CRELD2: variants seen among roughly 807,000 people sequenced by gnomAD.
CRELD2 encodes CRELD disulfide isomerase 2, also known as protein disulfide isomerase CRELD2.
CRELD2 carries 33 observed loss-of-function variants against 48.1 expected under a neutral mutation model. The observed-to-expected ratio is 0.69, with a 90% confidence interval of 0.52 to 0.92. The LOEUF is 0.92. Among genes scored for constraint, CRELD2 ranks in the 40% least tolerant of loss-of-function variants. The pLI is 0.00. For missense variants in CRELD2, 477 were observed against 482.4 expected, an observed-to-expected ratio of 0.99 and a Z score of 0.10; for synonymous variants, 220 against 203.9, an observed-to-expected ratio of 1.08 and a Z score of -0.67.
intron 4 of CRELD2, chr22:49,921,278 C>T (rs2060683699): frequency 5.4e-6 from 2 of 368,068 alleles, no homozygotes; most frequent in South Asian, 1.1e-4. Flanking sequence ...CAATAAGAGC[C>T]GCTCAGCTTT....
rs73181164 is a variant in CRELD2, at chr22:49,923,497, A to G, written c.772+180A>G. 67,882 of 704,716 alleles carry G rather than the reference A, an allele frequency of 0.096. 3,693 individuals are homozygous for G. The highest frequency in any genetic ancestry group is 0.13 in the South Asian group (8,475 of 66,624). 43.7% of individuals were successfully genotyped at this position (704,716 alleles called of 1,614,324 possible). On this transcript the variant is annotated intron_variant, in intron 7 of 9. Coordinates refer to ENST00000328268, the MANE Select transcript of CRELD2 (RefSeq NM_024324.5). ...AGGAAAATCAGAAAATTCAAGTCAG[A>G]TGAAAAGAAAACAGTTAAAAACCCA...
At chr22:49,920,332 G>A in intron 4 of CRELD2, 85 bp downstream of exon 4, 1 of 968,200 alleles carries the variant, frequency 1.0e-6, no homozygotes, top group Non-Finnish European at 1.6e-6. Context: ...AGCACAGAGG[G>A]GACCTGGGGT....
At chr22:49,919,949 T>G in intron 3 of CRELD2, 109 bp downstream of exon 3, 1 of 897,634 alleles carries the variant, frequency 1.1e-6, no homozygotes, top group Non-Finnish European at 1.8e-6. Context: ...CCCACCTGCC[T>G]CGCACCCACC....
chr22:49,927,476 G>A lies in CRELD2; in HGVS notation c.*169G>A. 1 of 629,636 alleles carries A rather than the reference G, an allele frequency of 1.6e-6. No homozygotes were observed. The highest frequency in any genetic ancestry group is 1.9e-5 in the South Asian group (1 of 53,402). The allele number at this position is 629,636 out of a possible 1,614,324, so 39.0% of individuals were successfully genotyped here. ...TGCATTTCTTGGTTGTTCTTAAACA[G>A]ACTTGTATATTTTGATACAGTTCTT... On this transcript the variant is annotated 3_prime_UTR_variant, in exon 10 of 10. Transcript: ENST00000328268.
rs535311779 is a variant in CRELD2 at position 49,927,244 on chromosome 22, T to G, written c.1010-11T>G. 2.5e-6 allele frequency: 4 copies of G among 1,611,966 alleles called. No homozygotes were observed. In the Admixed American group the frequency reaches 6.7e-5, roughly 27 times the overall value. On this transcript the variant is annotated splice_polypyrimidine_tract_variant and intron_variant, in intron 9 of 9. Transcript: ENST00000328268. ...GCTCAGCCTTGACGACCTATGCTTG[T>G]TTTCTGACAGAAGCCACAGAAGGAG...
rs147007997 is a variant in CRELD2, at chr22:49,919,551, G to C, written c.213-179G>C. On this transcript the variant is annotated intron_variant, in intron 2 of 9. Coordinates refer to ENST00000328268, the MANE Select transcript of CRELD2 (RefSeq NM_024324.5). ...CAGTGGCTTTTCAAAATGTAAACTGGAACACCAGCCCCACTTGTGGGAACC... is the reference window on the plus strand; with the variant it reads ...CAGTGGCTTTTCAAAATGTAAACTGCAACACCAGCCCCACTTGTGGGAACC... 5.3e-5 allele frequency among the ~76,000 whole-genome samples: 8 copies of C among 152,302 alleles called. No individual in the cohort carries two copies. The East Asian group carries it at 1.2e-3, about 22-fold the overall frequency.
chr22:49,919,759 G>C lies in CRELD2; in HGVS notation c.242G>C (p.Gly81Ala). Reference protein sequence around the residue: ...SEIRLLEILEGLCESSDFECN... With the variant: ...SEIRLLEILEALCESSDFECN... ...ATTCGCCTGCTGGAGATCCTGGAGG[G>C]GCTGTGCGAGAGCAGCGACTTCGAA... is the stretch of plus-strand genomic sequence containing the variant. Residue 81 changes from glycine to alanine, a missense_variant, in exon 3 of 10, where the codon GGG becomes GCG. Physicochemically the swap from Gly to Ala is moderately conservative, Grantham distance 60 (BLOSUM62 0). Transcript: ENST00000328268. 1.9e-6 allele frequency: 3 copies of C among 1,612,064 alleles called. No homozygotes were observed. Among genetic ancestry groups the C allele is most frequent in the Non-Finnish European group, 2.5e-6 (3 of 1,179,262 alleles).
At chr22:49,922,220 C>A (rs535220527) in intron 5 of CRELD2, 1 of 1,484,578 alleles carries the variant, frequency 6.7e-7, no homozygotes, top group East Asian at 2.4e-5. Context: ...GCCGGCAGCC[C>A]CTAGGCTATT....
chr22:49,925,353 T>C (rs910429521), intron 8 of CRELD2, 64 bp from the exon 9 acceptor site: 3 of 1,068,398 alleles, frequency 2.8e-6, no homozygotes, highest in Middle Eastern at 2.1e-4. Flanking sequence ...AATGAATGAA[T>C]TTCATAATCC....
intron 2 of CRELD2, among the ~76,000 whole-genome samples, 165 bp downstream of exon 2, chr22:49,919,477 C>T (rs2060654029): frequency 6.6e-6 from 1 of 152,242 alleles, no homozygotes; most frequent in African/African-American, 2.4e-5. Flanking sequence ...AATGGCTGGC[C>T]CCTCTCTGGC....
intron 4 of CRELD2, among the ~76,000 whole-genome samples, chr22:49,921,083 C>CGCCACAT (rs1569183847): frequency 1.3e-5 from 2 of 152,228 alleles, no homozygotes; most frequent in African/African-American, 4.8e-5. Context: ...ACACGCCACA[C>CGCCACAT]GCCTAGATGG....
At position 49,923,253 on chromosome 22, in the gene CRELD2, CG is replaced by C. The variant is rs1569186277; in HGVS notation, c.709del (p.Glu237SerfsTer60). 1.3e-6 allele frequency: 2 copies of C among 1,590,430 alleles called. No homozygotes were observed. On this transcript the variant is annotated frameshift_variant, in exon 7 of 10. Transcript: ENST00000328268. LOFTEE classifies it high-confidence loss of function. ...ACVDVDECAA[E>X]PPPCSAAQFC... ...TTCCAGATGTGGACGAGTGTGCGGCCGAGCCGCCTCCCTGCAGCGCTGCGCA... is the reference window on the plus strand; with the variant it reads ...TTCCAGATGTGGACGAGTGTGCGGCCAGCCGCCTCCCTGCAGCGCTGCGCA...
intron 4 of CRELD2, 42 bp from the exon 5 acceptor site, chr22:49,921,543 A>G (rs1291324483): frequency 6.3e-7 from 1 of 1,587,992 alleles, no homozygotes; most frequent in South Asian, 1.1e-5. Flanking sequence ...CGCACCGGTC[A>G]CCACCAGGTG....
At chr22:49,926,350 T>C (rs546823243) in intron 9 of CRELD2, 3 of 152,268 alleles carry the variant, frequency 2.0e-5, no homozygotes, top group Non-Finnish European at 4.4e-5. Context: ...AAGTCTAGAA[T>C]ATAGAGAGTG....
intron 9 of CRELD2, 136 bp from the exon 10 acceptor site, chr22:49,927,119 C>T: frequency 2.5e-6 from 2 of 787,358 alleles, no homozygotes; most frequent in Non-Finnish European, 4.5e-6. Context: ...CCGAGCTGCC[C>T]TTGGATGGCT....
Position 49,918,651 on chromosome 22 carries a change from G to A in CRELD2, c.-119G>A, listed in dbSNP as rs979555558. The stretch of plus-strand genomic sequence containing the variant: ...GGTGGGGCGGGGCCTCGCCGGCGCC[G>A]TCAAGTAGCCTGGGGGACAGGCCGG... On this transcript the variant is annotated 5_prime_UTR_variant, in exon 1 of 10. Transcript: ENST00000328268. 3 of 366,672 alleles carry A rather than the reference G, an allele frequency of 8.2e-6. No homozygotes were observed. Among genetic ancestry groups the A allele is most frequent in the African/African-American group, 4.3e-5 (2 of 47,030 alleles). The allele number at this position is 366,672 out of a possible 1,614,324, so 22.7% of individuals were successfully genotyped here.
At position 49,918,662 on chromosome 22, in the gene CRELD2, T is replaced by TG. The variant is rs564175465; in HGVS notation, c.-103dup. 2.6e-6 allele frequency: 1 copy of TG among 383,152 alleles called. No homozygotes were observed. Among genetic ancestry groups the TG allele is most frequent in the Non-Finnish European group, 4.4e-6 (1 of 225,982 alleles). 23.7% of individuals were successfully genotyped at this position (383,152 alleles called of 1,614,324 possible). On this transcript the variant is annotated 5_prime_UTR_variant, in exon 1 of 10. Coordinates refer to ENST00000328268, the MANE Select transcript of CRELD2 (RefSeq NM_024324.5). Reference sequence around the variant, plus strand: ...GCCTCGCCGGCGCCGTCAAGTAGCCTGGGGGACAGGCCGGCGCGGCTGGGA... The same window carrying TG: ...GCCTCGCCGGCGCCGTCAAGTAGCCTGGGGGGACAGGCCGGCGCGGCTGGGA...
In CRELD2 at chr22:49,922,603, G is replaced by C. The variant is rs1488853453; in HGVS notation, c.593-9G>C. ...GGGGTTTGTACCCAGGCCCGCCTTT[G>C]CCTTCCAGCCTGTGACGAGTCCTGC... On this transcript the variant is annotated splice_polypyrimidine_tract_variant and intron_variant, in intron 5 of 9. Coordinates refer to ENST00000328268, the MANE Select transcript of CRELD2 (RefSeq NM_024324.5). 2.0e-6 allele frequency: 3 copies of C among 1,537,282 alleles called. No homozygotes were observed. The highest frequency in any genetic ancestry group is 2.6e-6 in the Non-Finnish European group (3 of 1,135,062).
chr22:49,923,845 G>A (rs917132975), intron 7 of CRELD2: 3 of 269,456 alleles, frequency 1.1e-5, no homozygotes, highest in African/African-American at 2.3e-5. Context: ...GCTCAGTCAA[G>A]GGAATGTGTC....
Sources: gnomAD v4.1 joint callset for allele counts (sites outside exome capture counted in the v4.1 genomes callset) on GRCh38, gnomAD v4.1.1 for gene constraint, MANE v1.5 for transcripts, NCBI Gene and HGNC (gene_info 2026-07-23, HGNC 2026-07-21) for gene names.